Variants in WDR7 observed in about 807,000 individuals in gnomAD.
WDR7 encodes WD repeat domain 7, also known as WD repeat-containing protein 7.
WDR7 carries 46 observed loss-of-function variants against 169.4 expected under a neutral mutation model. The observed-to-expected ratio is 0.27, with a 90% CI of 0.21 to 0.35. The LOEUF (loss-of-function observed/expected upper bound fraction) is 0.35, where lower values mean the gene tolerates loss of function less well. WDR7 is among the 10% of genes least tolerant of loss of function. The pLI is 1.00. For missense variants in WDR7, 1,534 were observed against 1,859.3 expected (o/e 0.83, Z 3.22); for synonymous variants, 612 against 666.8 (o/e 0.92, Z 1.27).
At chr18:56,999,247 T>A (rs2047941194) in intron 26 of WDR7, among the ~76,000 whole-genome samples, 1 of 152,196 alleles carries the variant, frequency 6.6e-6, no homozygotes, top group Non-Finnish European at 1.5e-5. Flanking sequence ...TTCTTTGTAC[T>A]GTGTGTGTTA....
At position 56,816,006 on chromosome 18, in the gene WDR7, G is replaced by T. The variant is rs761003939; in HGVS notation, c.3191-25G>T. 4 of 1,541,564 alleles carry T rather than the reference G, an allele frequency of 2.6e-6. No individual in the cohort carries two copies. In the African/African-American group the frequency reaches 4.2e-5, roughly 16 times the overall value. ...TTTACTTTTCATTTTTTGAAGTGAAGCCTTGTGATTCATATTTGTTTTAGC... is the reference window on the plus strand; with the variant it reads ...TTTACTTTTCATTTTTTGAAGTGAATCCTTGTGATTCATATTTGTTTTAGC... On this transcript the variant is annotated intron_variant, in intron 19 of 27. Transcript: ENST00000254442.
chr18:56,725,460 A>C (rs2026427135), intron 13 of WDR7, among the ~76,000 whole-genome samples: 1 of 152,040 alleles, frequency 6.6e-6, no homozygotes, highest in Non-Finnish European at 1.5e-5. Context: ...TCTTTTGAGA[A>C]GTGTCTGTTC....
At chr18:57,023,289 G>A (rs2048316067) in intron 27 of WDR7, among the ~76,000 whole-genome samples, 1 of 152,172 alleles carries the variant, frequency 6.6e-6, no homozygotes, top group Non-Finnish European at 1.5e-5. Flanking sequence ...TGATGTATCA[G>A]AATACTTTTA....
rs771663226 is a variant in WDR7, at chr18:56,681,351, T to C, written c.305T>C (p.Ile102Thr). ...CLWDVSDGRC[I>T]EFTKLACTHT... ...TGGGATGTGAGTGATGGCAGATGTATTGAATTTACAAAATTAGCTTGCACA... is the reference window on the plus strand; with the variant it reads ...TGGGATGTGAGTGATGGCAGATGTACTGAATTTACAAAATTAGCTTGCACA... Residue 102 changes from isoleucine (I) to threonine (T), a missense_variant, in exon 4 of 28, where the codon ATT (isoleucine) becomes ACT (threonine). By Grantham distance (89) the Ile-to-Thr change is moderately conservative. Coordinates refer to ENST00000254442, the MANE Select transcript of WDR7 (RefSeq NM_015285.3). The C allele has an allele frequency of 3.8e-6, 6 of 1,595,658 alleles. No individual in the cohort carries two copies. Among genetic ancestry groups the C allele is most frequent in the Non-Finnish European group, 8.5e-7 (1 of 1,175,142 alleles).
At chr18:56,677,067 G>A (rs2025260462) in intron 2 of WDR7, among the ~76,000 whole-genome samples, 1 of 152,068 alleles carries the variant, frequency 6.6e-6, no homozygotes. Context: ...GTTTTTCTGT[G>A]TACTTACTAT....
chr18:56,718,894 A>G (rs778473030), intron 13 of WDR7, among the ~76,000 whole-genome samples: 4 of 152,246 alleles, frequency 2.6e-5, no homozygotes, highest in Non-Finnish European at 5.9e-5. Flanking sequence ...TGTTTTAAAT[A>G]GCATTTTTTG....
intron 25 of WDR7, among the ~76,000 whole-genome samples, chr18:56,956,375 G>A (rs2047250642): frequency 6.6e-6 from 1 of 152,112 alleles, no homozygotes; most frequent in Non-Finnish European, 1.5e-5. Context: ...TCTGGAGGGT[G>A]TATGCAAACA....
At position 56,801,685 on chromosome 18, in the gene WDR7, A is replaced by T. The variant is rs80169307; in HGVS notation, c.3191-14346A>T. The stretch of plus-strand genomic sequence containing the variant: ...ACAGTTTTTCCTTTTCCAAAATTCC[A>T]TATAAATGGAACCTAACCTGTAGTC... On this transcript the variant is annotated intron_variant, in intron 19 of 27. Coordinates refer to ENST00000254442, the MANE Select transcript of WDR7 (RefSeq NM_015285.3). 2.0e-5 allele frequency among the ~76,000 whole-genome samples: 3 copies of T among 151,994 alleles called. No individual in the cohort carries two copies. The South Asian group carries it at 6.3e-4, about 32-fold the overall frequency.
intron 21 of WDR7, among the ~76,000 whole-genome samples, chr18:56,899,028 T>A (rs918926785): frequency 4.6e-5 from 7 of 152,140 alleles, no homozygotes; most frequent in African/African-American, 9.7e-5. Context: ...ATTTATATTT[T>A]ATAGTAGTAT....
intron 1 of WDR7, among the ~76,000 whole-genome samples, chr18:56,672,017 A>C (rs2025146506): frequency 6.6e-6 from 1 of 152,168 alleles, no homozygotes; most frequent in South Asian, 2.1e-4. Context: ...TCTGAAGGTC[A>C]AGATTTGTAT....
At chr18:56,848,520 G>A (rs1247093057) in intron 20 of WDR7, among the ~76,000 whole-genome samples, 1 of 152,068 alleles carries the variant, frequency 6.6e-6, no homozygotes, top group African/African-American at 2.4e-5. Flanking sequence ...AAGATTAGGG[G>A]GCCAGGGATG....
intron 1 of WDR7, among the ~76,000 whole-genome samples, chr18:56,662,542 A>G (rs2024926340): frequency 6.6e-6 from 1 of 152,226 alleles, no homozygotes; most frequent in Non-Finnish European, 1.5e-5. Flanking sequence ...ATTGTTGCTC[A>G]TAGACAATGT....
intron 27 of WDR7, 142 bp from the exon 28 acceptor site, chr18:57,026,862 T>G: frequency 1.2e-6 from 1 of 847,494 alleles, no homozygotes; most frequent in Non-Finnish European, 1.8e-6. Context: ...GAAAGGAACT[T>G]TTGAGAGGTT....
At chr18:56,912,141 G>C (rs373663544) in intron 21 of WDR7, among the ~76,000 whole-genome samples, 9 of 152,224 alleles carry the variant, frequency 5.9e-5, no homozygotes, top group African/African-American at 2.2e-4. Flanking sequence ...AAGTGAGTGA[G>C]TGAAGCTGGA....
chr18:56,930,885 T>G (rs1427316292), intron 22 of WDR7, among the ~76,000 whole-genome samples: 4 of 152,216 alleles, frequency 2.6e-5, no homozygotes, highest in African/African-American at 9.7e-5. Context: ...TGATAAAGTC[T>G]GACAATTTTA....
intron 19 of WDR7, among the ~76,000 whole-genome samples, chr18:56,783,041 T>C (rs144650933): frequency 1.9e-4 from 29 of 152,250 alleles, no homozygotes; most frequent in African/African-American, 6.5e-4. Flanking sequence ...AGCCGAAGTA[T>C]CACACATTAA....
intron 22 of WDR7, among the ~76,000 whole-genome samples, chr18:56,932,205 G>T (rs971515721): frequency 6.6e-6 from 1 of 152,122 alleles, no homozygotes; most frequent in African/African-American, 2.4e-5. Flanking sequence ...CAGAGCTGTA[G>T]AATTATCCAC....
At chr18:56,678,545 G>A (rs2025290469) in intron 2 of WDR7, among the ~76,000 whole-genome samples, 1 of 151,934 alleles carries the variant, frequency 6.6e-6, no homozygotes. Context: ...CCCCCAAGCT[G>A]GAGTGCAGTG....
At chr18:56,812,103 G>A (rs1335226046) in intron 19 of WDR7, among the ~76,000 whole-genome samples, 2 of 152,118 alleles carry the variant, frequency 1.3e-5, no homozygotes, top group East Asian at 1.9e-4. Flanking sequence ...TGAACACAGT[G>A]TAATTCTGTT....
Sources: allele counts gnomAD v4.1 joint callset (sites outside exome capture counted in the v4.1 genomes callset), GRCh38; gene constraint gnomAD v4.1.1; transcripts MANE v1.5; gene names NCBI Gene and HGNC (gene_info 2026-07-23, HGNC 2026-07-21).